Variants in VNN1 observed in about 807,000 individuals in gnomAD.
The protein encoded by VNN1 is pantetheinase.
Under a neutral mutation model 41.9 loss-of-function variants are expected in VNN1, and 29 were observed. That is an observed-to-expected ratio of 0.69 (90% CI 0.52 to 0.94). The LOEUF is 0.94. Among genes scored for constraint, VNN1 ranks in the 40% least tolerant of loss-of-function variants. VNN1 has a pLI of 0.00. For synonymous variants in VNN1, 233 were observed against 224.4 expected, an observed-to-expected ratio of 1.04 and a Z score of -0.34; for missense variants, 637 against 621.1, an observed-to-expected ratio of 1.03 and a Z score of -0.27.
chr6:132,687,828 TTAAC>T (rs1778228973), intron 5 of VNN1, among the ~76,000 whole-genome samples: 1 of 151,822 alleles, frequency 6.6e-6, no homozygotes, highest in Non-Finnish European at 1.5e-5. Context: ...TCAAAGAAAA[TTAAC>T]GAAATTTAAA....
chr6:132,692,604 A>G lies in VNN1; in HGVS notation c.827-20T>C. On this transcript the variant is annotated intron_variant, in intron 4 of 6. Transcript: ENST00000367928. Reference sequence around the variant, plus strand: ...CACTTCCTGGAAGTAATAAGTTGAAAACATCATTTGAAATTGGAAAGTAAA... The same window carrying G: ...CACTTCCTGGAAGTAATAAGTTGAAGACATCATTTGAAATTGGAAAGTAAA... The G allele has an allele frequency of 6.5e-7, 1 of 1,536,258 alleles. No homozygotes were observed. Among genetic ancestry groups the G allele is most frequent in the Non-Finnish European group, 8.7e-7 (1 of 1,152,696 alleles).
intron 2 of VNN1, among the ~76,000 whole-genome samples, chr6:132,704,056 A>G (rs1778485285): frequency 6.6e-6 from 1 of 152,174 alleles, no homozygotes; most frequent in Admixed American, 6.5e-5. Context: ...ACAGATATAT[A>G]AAGGACATAT....
At chr6:132,693,855 T>C in intron 3 of VNN1, 135 bp downstream of exon 3, 1 of 1,046,706 alleles carries the variant, frequency 9.6e-7, no homozygotes, top group Non-Finnish European at 1.4e-6. Flanking sequence ...TTTCCACGCT[T>C]TATCATTACT....
At position 132,692,341 on chromosome 6, in the gene VNN1, C is replaced by G; in HGVS notation, c.1070G>C (p.Cys357Ser). The G allele has an allele frequency of 6.2e-7, 1 of 1,614,198 alleles. No homozygotes were observed. Among genetic ancestry groups the G allele is most frequent in the Non-Finnish European group, 8.5e-7 (1 of 1,180,028 alleles). The change falls in exon 5 of 7, where the codon TGT (cysteine) becomes TCT (serine). Residue 357 changes from cysteine (C) to serine (S), a missense_variant. Physicochemically the swap from Cys to Ser is moderately radical, Grantham distance 112. Coordinates refer to ENST00000367928, the MANE Select transcript of VNN1 (RefSeq NM_004666.3). ...TAAATGACAGCAGAGATCTTTCTGA[C>G]AAACTGTATAATTTCCTGCAACTCC... Reference protein sequence around the residue: ...LTGVAGNYTVCQKDLCCHLSY... With the variant: ...LTGVAGNYTVSQKDLCCHLSY...
chr6:132,711,733 C>G lies in VNN1; in HGVS notation c.317G>C (p.Trp106Ser). 6.2e-7 allele frequency: 1 copy of G among 1,613,016 alleles called. No individual in the cohort carries two copies. The highest frequency in any genetic ancestry group is 2.2e-5 in the East Asian group (1 of 44,852). Reference sequence around the variant, plus strand: ...CCTGTTACGATTATTACAGGGGATCCAGTTTACTTCAGGGTCTGGGATGTC... The same window carrying G: ...CCTGTTACGATTATTACAGGGGATCGAGTTTACTTCAGGGTCTGGGATGTC... ...LEDIPDPEVN[W>S]IPCNNRNRFG... The change falls in exon 2 of 7, where the codon TGG becomes TCG. Residue 106 changes from tryptophan to serine, a missense_variant. Transcript: ENST00000367928.
intron 5 of VNN1, among the ~76,000 whole-genome samples, chr6:132,687,732 T>C (rs1778227986): frequency 6.6e-6 from 1 of 152,214 alleles, no homozygotes; most frequent in Admixed American, 6.5e-5. Context: ...GGTTATTATT[T>C]TTAGCTCAAG....
At chr6:132,704,086 G>T (rs959568252) in intron 2 of VNN1, among the ~76,000 whole-genome samples, 4 of 151,958 alleles carry the variant, frequency 2.6e-5, no homozygotes, top group Admixed American at 2.0e-4. Flanking sequence ...TAAAGAGAGA[G>T]ATAGATCCCA....
chr6:132,688,057 G>A (rs915064743), intron 5 of VNN1, among the ~76,000 whole-genome samples: 19 of 152,038 alleles, frequency 1.2e-4, no homozygotes, highest in South Asian at 2.1e-4. Flanking sequence ...GGTGATAATC[G>A]AGATTTTTCA....
At position 132,703,824 on chromosome 6, in the gene VNN1, A is replaced by T. The variant is rs376329282; in HGVS notation, c.341+7885T>A. Among the ~76,000 whole-genome samples the T allele has an allele frequency of 8.7e-4, 133 of 152,344 alleles. 1 individual carries two copies. Among genetic ancestry groups the T allele is most frequent in the Middle Eastern group, 6.8e-3 (2 of 294 alleles). On this transcript the variant is annotated intron_variant, in intron 2 of 6. Coordinates refer to ENST00000367928, the MANE Select transcript of VNN1 (RefSeq NM_004666.3). ...CGATTGTGTACAAGAAACACACTTC[A>T]CTTATAAAGACACACACAGACAGAA... is the stretch of plus-strand genomic sequence containing the variant.
intron 5 of VNN1, among the ~76,000 whole-genome samples, chr6:132,686,997 A>G (rs1341108518): frequency 6.6e-6 from 1 of 152,128 alleles, no homozygotes; most frequent in African/African-American, 2.4e-5. Flanking sequence ...AGTAGAGGAG[A>G]AAAATAAAGT....
chr6:132,710,609 G>A (rs911492941), intron 2 of VNN1, among the ~76,000 whole-genome samples: 9 of 152,072 alleles, frequency 5.9e-5, no homozygotes, highest in South Asian at 2.1e-4. Flanking sequence ...ACTTATGAGC[G>A]AGAACATGCA....
In VNN1 at chr6:132,683,190, T is replaced by G. The variant is rs1778153005; in HGVS notation, c.1492A>C (p.Ile498Leu). The part of the protein sequence containing the change: ...ASSGLTAQAR[I>L]IMLIVIAPIV... ...GGTGCTATAACTATTAGCATTATTA[T>G]TCTTGCTTGTGCTGTGAGGCCTGAT... The change falls in exon 7 of 7, where the codon ATA (isoleucine) becomes CTA (leucine). Residue 498 changes from isoleucine to leucine, a missense_variant. Ile to Leu is a conservative substitution (Grantham distance 5, BLOSUM62 2). Coordinates refer to ENST00000367928, the MANE Select transcript of VNN1 (RefSeq NM_004666.3). 1 of 1,614,004 alleles carries G rather than the reference T, an allele frequency of 6.2e-7. No individual in the cohort carries two copies. The highest frequency in any genetic ancestry group is 1.7e-5 in the Admixed American group (1 of 59,984).
intron 2 of VNN1, among the ~76,000 whole-genome samples, 180 bp downstream of exon 2, chr6:132,711,529 C>T (rs3798793): frequency 0.58 from 87,797 of 152,122 alleles, 27,980 homozygotes; most frequent in African/African-American, 0.86. Flanking sequence ...CTAGCTCTGA[C>T]TTCTGTGACT....
chr6:132,702,405 C>T (rs998257394), intron 2 of VNN1, among the ~76,000 whole-genome samples: 2 of 152,142 alleles, frequency 1.3e-5, no homozygotes, highest in African/African-American at 4.8e-5. Flanking sequence ...AAAACCAGTC[C>T]CTGGTGCCAA....
intron 5 of VNN1, among the ~76,000 whole-genome samples, chr6:132,687,166 A>C (rs537125249): frequency 6.6e-6 from 1 of 152,328 alleles, no homozygotes; most frequent in Non-Finnish European, 1.5e-5. Flanking sequence ...TACACATACA[A>C]AGAATCAGGA....
intron 2 of VNN1, among the ~76,000 whole-genome samples, 169 bp downstream of exon 2, chr6:132,711,540 T>C (rs1275676947): frequency 2.0e-5 from 3 of 152,212 alleles, no homozygotes; most frequent in African/African-American, 7.2e-5. Flanking sequence ...TTCTGTGACT[T>C]CATAATTCAT....
chr6:132,683,662 C>A (rs45508697), intron 6 of VNN1, among the ~76,000 whole-genome samples: 3,549 of 152,240 alleles, frequency 0.023, 142 homozygotes, highest in African/African-American at 0.081. Flanking sequence ...TGGCCCGAAG[C>A]AATTGACTAA....
intron 2 of VNN1, 148 bp downstream of exon 2, chr6:132,711,561 C>T (rs1778599681): frequency 9.2e-6 from 8 of 869,890 alleles, no homozygotes; most frequent in South Asian, 2.5e-5. Flanking sequence ...ATTTGCTCTC[C>T]CAGTAAATAT....
intron 6 of VNN1, among the ~76,000 whole-genome samples, chr6:132,684,124 A>AT (rs1334954997): frequency 6.6e-6 from 1 of 151,976 alleles, no homozygotes; most frequent in Admixed American, 6.6e-5. Flanking sequence ...TAAGATATAT[A>AT]TTTTTTTATT....
Sources: gnomAD v4.1 joint callset for allele counts (sites outside exome capture counted in the v4.1 genomes callset) on GRCh38, gnomAD v4.1.1 for gene constraint, MANE v1.5 for transcripts, NCBI Gene and HGNC (gene_info 2026-07-23, HGNC 2026-07-21) for gene names.